DCT: variants seen among roughly 807,000 people sequenced by gnomAD.
DCT encodes dopachrome tautomerase.
DCT carries 47 observed loss-of-function variants against 53.0 expected under a neutral mutation model. That is an observed-to-expected ratio of 0.89 (90% confidence interval 0.70 to 1.13). The LOEUF (loss-of-function observed/expected upper bound fraction) is 1.13. DCT is among the 50% of genes most tolerant of loss of function. DCT has a pLI of 0.00. For missense variants in DCT, 669 were observed against 637.4 expected, an observed-to-expected ratio of 1.05 and a Z score of -0.53; for synonymous variants, 244 against 237.0, an observed-to-expected ratio of 1.03 and a Z score of -0.27.
the DCT span, among the ~76,000 whole-genome samples, chr13:94,511,310 C>T: frequency 2.0e-5 from 3 of 151,944 alleles, no homozygotes; most frequent in Non-Finnish European, 2.9e-5. Context: ...TGCTCTCTTC[C>T]TGGAAGGCTG....
At chr13:94,469,159 A>T (rs940763210) in intron 1 of DCT, 114 bp from the exon 2 acceptor site, 1 of 852,664 alleles carries the variant, frequency 1.2e-6, no homozygotes, top group Non-Finnish European at 1.8e-6. Context: ...GCTTACACAA[A>T]GGCAAAGAAA....
chr13:94,448,163 T>C (rs960861652), intron 6 of DCT, among the ~76,000 whole-genome samples: 4 of 152,158 alleles, frequency 2.6e-5, no homozygotes, highest in Non-Finnish European at 5.9e-5. Flanking sequence ...GAGGATCATT[T>C]GAGCCCTGGA....
At chr13:94,441,410 C>A (rs1038070253) in intron 7 of DCT, among the ~76,000 whole-genome samples, 3 of 152,158 alleles carry the variant, frequency 2.0e-5, no homozygotes, top group Non-Finnish European at 2.9e-5. Flanking sequence ...ATAGGCAGTG[C>A]AGTGGCATTA....
intron 7 of DCT, among the ~76,000 whole-genome samples, chr13:94,440,676 G>GTTTTTTTTT (rs761688508): frequency 1.0e-4 from 10 of 98,038 alleles, no homozygotes; most frequent in South Asian, 3.7e-4. Flanking sequence ...TCATTTTTTG[G>GTTTTTTTTT]TTTTTTTTTT....
intron 7 of DCT, 89 bp from the exon 8 acceptor site, chr13:94,440,165 C>T (rs942136827): frequency 2.3e-5 from 25 of 1,102,508 alleles, no homozygotes; most frequent in East Asian, 7.5e-5. Context: ...TTGCCTTTCA[C>T]GTGCTTTTTG....
the DCT span, among the ~76,000 whole-genome samples, chr13:94,505,688 G>C: frequency 6.6e-6 from 1 of 152,204 alleles, no homozygotes; most frequent in Non-Finnish European, 1.5e-5. Flanking sequence ...TGGCAAACAT[G>C]ATGGGACATC....
In DCT at chr13:94,439,046, C is replaced by T. The variant is rs1882085306; in HGVS notation, c.*852G>A. 5.5e-6 allele frequency: 1 copy of T among 181,736 alleles called. No homozygotes were observed. The highest frequency in any genetic ancestry group is 5.9e-5 in the Admixed American group (1 of 16,946). 11.3% of individuals were successfully genotyped at this position (181,736 alleles called of 1,614,324 possible). On this transcript the variant is annotated 3_prime_UTR_variant, in exon 8 of 8. Transcript: ENST00000377028. ...ACAGCCTCACCAGCCTTCAGTCAGC[C>T]TTCCTTGGAAAGAGTAATTCTGTAT... is the stretch of plus-strand genomic sequence containing the variant.
the DCT span, among the ~76,000 whole-genome samples, chr13:94,517,481 C>T: frequency 6.6e-6 from 1 of 151,962 alleles, no homozygotes; most frequent in Non-Finnish European, 1.5e-5. Context: ...TAAATATCCA[C>T]CTCTGTGACC....
chr13:94,490,515 A>ACAAAC, the DCT span, among the ~76,000 whole-genome samples: 36 of 140,448 alleles, frequency 2.6e-4, 1 homozygote, highest in Non-Finnish European at 4.4e-4. Context: ...AAAAAAAAAA[A>ACAAAC]AAAAAAAAAA....
At chr13:94,465,121 T>C (rs902709236) in intron 4 of DCT, among the ~76,000 whole-genome samples, 5 of 152,202 alleles carry the variant, frequency 3.3e-5, no homozygotes, top group African/African-American at 9.7e-5. Context: ...ATACATCTAT[T>C]ACAGTACTTC....
chr13:94,440,725 G>A (rs1441641353), intron 7 of DCT, among the ~76,000 whole-genome samples: 1 of 126,874 alleles, frequency 7.9e-6, no homozygotes, highest in Non-Finnish European at 1.6e-5. Flanking sequence ...CTGTCGCCCA[G>A]GCTGGAGTAC....
chr13:94,455,054 T>A (rs766552349), intron 6 of DCT, among the ~76,000 whole-genome samples: 1 of 152,108 alleles, frequency 6.6e-6, no homozygotes, highest in Non-Finnish European at 1.5e-5. Flanking sequence ...CAATGTGAGC[T>A]TCCACCCTAA....
At chr13:94,450,347 T>C (rs1172992996) in intron 6 of DCT, among the ~76,000 whole-genome samples, 2 of 152,184 alleles carry the variant, frequency 1.3e-5, no homozygotes, top group Non-Finnish European at 2.9e-5. Context: ...AATAATAGCA[T>C]CTTCCAGGCA....
chr13:94,472,568 A>ATTTTTT (rs869190962), intron 1 of DCT, among the ~76,000 whole-genome samples: 1 of 15,034 alleles, frequency 6.7e-5, no homozygotes, highest in Non-Finnish European at 1.0e-4. Context: ...ATATATATAT[A>ATTTTTT]TTTTTTTTTT....
intron 6 of DCT, chr13:94,452,730 TA>T: frequency 3.0e-6 from 2 of 655,804 alleles, no homozygotes; most frequent in South Asian, 3.6e-5. Context: ...CATTTCAGGA[TA>T]AATCCATGCA....
chr13:94,445,642 C>T lies in DCT; in HGVS notation c.1180-2005G>A, dbSNP rs116452540. 1.6e-4 allele frequency: 155 copies of T among 950,708 alleles called. No homozygotes were observed. In the African/African-American group the frequency reaches 2.0e-3, roughly 12 times the overall value. 58.9% of individuals were successfully genotyped at this position (950,708 alleles called of 1,614,324 possible). A position where few individuals can be genotyped will look rare whatever the true frequency, so the allele number is the denominator to read the frequency against. On this transcript the variant is annotated intron_variant, in intron 6 of 7. Transcript: ENST00000377028. ...TCAAGCCACTGAGTGTTTGGGTAAT[C>T]GTAATCTGTTATGCAGAAATGGATA...
intron 1 of DCT, among the ~76,000 whole-genome samples, chr13:94,477,857 A>AGG (rs1277573609): frequency 6.6e-6 from 1 of 152,202 alleles, no homozygotes; most frequent in Non-Finnish European, 1.5e-5. Context: ...ACAGTGTCCA[A>AGG]GGGCTTTCCT....
rs1351361092 is a variant in DCT, at chr13:94,437,061, A to G, written c.*2837T>C. The G allele has an allele frequency of 6.6e-6, 1 of 152,194 alleles. No individual in the cohort carries two copies. The highest frequency in any genetic ancestry group is 1.5e-5 in the Non-Finnish European group (1 of 68,034). 9.4% of individuals were successfully genotyped at this position (152,194 alleles called of 1,614,324 possible). On this transcript the variant is annotated 3_prime_UTR_variant, in exon 8 of 8. Transcript: ENST00000377028. ...GTCACTAAACTGTGGGGAATATCAA[A>G]AGTAACTTCACCTGAGGAAAGGCTG...
the DCT span, among the ~76,000 whole-genome samples, chr13:94,496,942 ACT>A: frequency 2.4e-4 from 36 of 152,104 alleles, no homozygotes; most frequent in Non-Finnish European, 3.8e-4. Flanking sequence ...GTCCTTCAAG[ACT>A]CACAGGGAAC....
Sources: gnomAD v4.1 joint callset for allele counts (sites outside exome capture counted in the v4.1 genomes callset) on GRCh38, gnomAD v4.1.1 for gene constraint, MANE v1.5 for transcripts, NCBI Gene and HGNC (gene_info 2026-07-23, HGNC 2026-07-21) for gene names.